The following SPAG16 variants were observed in gnomAD, a reference collection of about 807,000 sequenced individuals.
The protein encoded by SPAG16 is sperm associated antigen 16.
A neutral mutation model predicts 80.4 loss-of-function variants in SPAG16; 86 were observed. That is an observed-to-expected ratio of 1.07 (90% CI 0.90 to 1.28). The LOEUF (loss-of-function observed/expected upper bound fraction) is 1.28. Among genes scored for constraint, SPAG16 ranks in the 50% most tolerant of loss-of-function variants. The pLI, the probability that SPAG16 is intolerant of heterozygous loss-of-function variation, is 0.00. For synonymous variants in SPAG16, 294 were observed against 265.9 expected (o/e 1.11, Z -1.03); for missense variants, 870 against 765.3 (o/e 1.14, Z -1.61).
chr2:213,927,339 T>G (rs371265671), intron 11 of SPAG16, among the ~76,000 whole-genome samples: 15 of 152,294 alleles, frequency 9.8e-5, no homozygotes, highest in East Asian at 7.7e-4. Flanking sequence ...GTTCCTTCTA[T>G]TTGTGTGGAG....
chr2:213,554,155 G>A (rs1418352973), intron 10 of SPAG16, among the ~76,000 whole-genome samples: 1 of 152,132 alleles, frequency 6.6e-6, no homozygotes, highest in Non-Finnish European at 1.5e-5. Flanking sequence ...AGAAAAGGAG[G>A]TCATGAGGAC....
chr2:213,689,825 T>G (rs1344396736), intron 10 of SPAG16, among the ~76,000 whole-genome samples: 2 of 152,220 alleles, frequency 1.3e-5, no homozygotes, highest in Non-Finnish European at 2.9e-5. Flanking sequence ...CTCTTTAGTG[T>G]GCACTTTACT....
At chr2:213,383,895 G>A (rs1003801784) in intron 9 of SPAG16, among the ~76,000 whole-genome samples, 5 of 152,140 alleles carry the variant, frequency 3.3e-5, no homozygotes, top group African/African-American at 9.7e-5. Context: ...ACATAAACAT[G>A]TACTGTTGTC....
At chr2:213,872,794 G>C (rs1477087857) in intron 11 of SPAG16, among the ~76,000 whole-genome samples, 2 of 152,048 alleles carry the variant, frequency 1.3e-5, no homozygotes, top group Non-Finnish European at 2.9e-5. Flanking sequence ...GATCATGAGA[G>C]GATGTTGGAT....
At chr2:214,119,741 AG>A (rs1156616128) in intron 14 of SPAG16, among the ~76,000 whole-genome samples, 1 of 151,710 alleles carries the variant, frequency 6.6e-6, no homozygotes, top group African/African-American at 2.4e-5. Context: ...TCCTTCCTGC[AG>A]GGTTTCATTT....
At chr2:214,128,182 A>C (rs1022628853) in intron 14 of SPAG16, among the ~76,000 whole-genome samples, 1 of 151,856 alleles carries the variant, frequency 6.6e-6, no homozygotes, top group Non-Finnish European at 1.5e-5. Flanking sequence ...GCTGACGGGC[A>C]GGGGGAAAAC....
intron 10 of SPAG16, among the ~76,000 whole-genome samples, chr2:213,510,310 A>G (rs1412407245): frequency 2.0e-5 from 3 of 152,182 alleles, no homozygotes; most frequent in Non-Finnish European, 4.4e-5. Flanking sequence ...TATGATTTTA[A>G]TATAAGTACT....
chr2:214,058,060 G>A (rs573149737), intron 13 of SPAG16, among the ~76,000 whole-genome samples: 3 of 152,192 alleles, frequency 2.0e-5, no homozygotes, highest in East Asian at 3.9e-4. Flanking sequence ...CTCCATAACA[G>A]CAATAAGGCT....
intron 12 of SPAG16, among the ~76,000 whole-genome samples, chr2:213,958,472 T>C (rs1173152571): frequency 2.0e-5 from 3 of 151,848 alleles, no homozygotes; most frequent in East Asian, 3.9e-4. Flanking sequence ...TCTGGTATGA[T>C]AAAATTAAAC....
chr2:213,649,299 T>C (rs558550016), intron 10 of SPAG16, among the ~76,000 whole-genome samples: 3 of 152,338 alleles, frequency 2.0e-5, no homozygotes, highest in East Asian at 1.9e-4. Flanking sequence ...TTATGTAATG[T>C]TGTAAATGGA....
chr2:214,065,380 G>A (rs999094104), intron 13 of SPAG16, among the ~76,000 whole-genome samples: 2 of 151,968 alleles, frequency 1.3e-5, no homozygotes, highest in African/African-American at 2.4e-5. Context: ...TTAGAACACC[G>A]ACTGGAACAT....
intron 10 of SPAG16, among the ~76,000 whole-genome samples, chr2:213,635,565 A>G (rs1299361735): frequency 6.6e-6 from 1 of 152,176 alleles, no homozygotes; most frequent in Non-Finnish European, 1.5e-5. Context: ...CACAACACCC[A>G]TGCCAACATC....
At chr2:214,241,525 T>C (rs1191902778) in intron 15 of SPAG16, 1 of 152,174 alleles carries the variant, frequency 6.6e-6, no homozygotes, top group African/African-American at 2.4e-5. Context: ...ACATGCAGTA[T>C]CAGTAAATAT....
intron 7 of SPAG16, among the ~76,000 whole-genome samples, chr2:213,359,636 C>G (rs1242809053): frequency 1.3e-5 from 2 of 152,228 alleles, no homozygotes. Flanking sequence ...GGGAAAAGTG[C>G]AGTATTTGGA....
intron 9 of SPAG16, among the ~76,000 whole-genome samples, chr2:213,451,067 T>C (rs1261332633): frequency 6.6e-6 from 1 of 152,198 alleles, no homozygotes; most frequent in East Asian, 1.9e-4. Context: ...TTACTGCTTT[T>C]ATGTAACATA....
At chr2:213,511,166 T>TG (rs11442842) in intron 10 of SPAG16, among the ~76,000 whole-genome samples, 63,047 of 151,932 alleles carry the variant, frequency 0.41, 13,661 homozygotes, top group Middle Eastern at 0.54. Context: ...GGTATTCAGA[T>TG]TTTACACATT....
chr2:213,678,363 G>C (rs942595513), intron 10 of SPAG16, among the ~76,000 whole-genome samples: 1 of 151,962 alleles, frequency 6.6e-6, no homozygotes, highest in Non-Finnish European at 1.5e-5. Flanking sequence ...AAAATAGATA[G>C]ACCACTAGCA....
intron 15 of SPAG16, chr2:214,240,186 GA>G: frequency 6.6e-6 from 1 of 152,116 alleles, no homozygotes; most frequent in Non-Finnish European, 1.5e-5. Context: ...TGCCCTGGTG[GA>G]AAGTCTTGTC....
chr2:213,676,000 G>C (rs561273869), intron 10 of SPAG16, among the ~76,000 whole-genome samples: 126 of 152,224 alleles, frequency 8.3e-4, no homozygotes, highest in Middle Eastern at 3.4e-3. Context: ...TCATGATATT[G>C]ATTCTTCCTA....
Sources: allele counts gnomAD v4.1 joint callset (sites outside exome capture counted in the v4.1 genomes callset), GRCh38; gene constraint gnomAD v4.1.1; transcripts MANE v1.5; gene names NCBI Gene and HGNC (gene_info 2026-07-23, HGNC 2026-07-21).